SASH1: variants seen among roughly 807,000 people sequenced by gnomAD.
The protein encoded by SASH1 is SAM and SH3 domain containing 1, also known as SAM and SH3 domain-containing protein 1.
A neutral mutation model predicts 125.2 loss-of-function variants in SASH1; 44 were observed. That is an observed-to-expected ratio of 0.35 (90% confidence interval 0.28 to 0.45). The LOEUF is 0.45. Ranked by LOEUF, SASH1 falls within the 20% of genes least tolerant of loss-of-function variation. The probability of loss-of-function intolerance (pLI) is 1.00; values close to 1 mark genes in which losing one functional copy is unlikely to be tolerated. For synonymous variants in SASH1, 639 were observed against 649.1 expected (o/e 0.98, Z 0.24); for missense variants, 1,426 against 1,614.5 (o/e 0.88, Z 2.00).
At chr6:148,259,369 C>CT in the SASH1 span, among the ~76,000 whole-genome samples, 1 of 152,214 alleles carries the variant, frequency 6.6e-6, no homozygotes, top group Admixed American at 6.5e-5. Flanking sequence ...TACTGAACTG[C>CT]ACGGCTGAAG....
At chr6:148,491,195 T>G (rs780832832) in intron 8 of SASH1, among the ~76,000 whole-genome samples, 39 of 152,264 alleles carry the variant, frequency 2.6e-4, no homozygotes, top group Non-Finnish European at 1.5e-4. Context: ...CAAGAAAGAC[T>G]GTATTCTTTG....
intron 4 of SASH1, among the ~76,000 whole-genome samples, 166 bp from the exon 5 acceptor site, chr6:148,468,379 C>T (rs1777944749): frequency 2.0e-5 from 3 of 152,164 alleles, no homozygotes; most frequent in African/African-American, 7.2e-5. Context: ...GAGTCTATTT[C>T]TAGGAAGTCA....
intron 1 of SASH1, among the ~76,000 whole-genome samples, chr6:148,321,252 G>A (rs150120449): frequency 0.029 from 4,386 of 152,144 alleles, 90 homozygotes; most frequent in Non-Finnish European, 0.045. Context: ...TGAGCCTGGC[G>A]TGGTGGCGCA....
At chr6:148,272,618 T>C (rs1290701401) in intron 1 of SASH1, among the ~76,000 whole-genome samples, 3 of 152,276 alleles carry the variant, frequency 2.0e-5, no homozygotes, top group East Asian at 1.9e-4. Context: ...ATATAAGATA[T>C]ATTTATATAA....
chr6:148,376,908 C>T lies in SASH1; in HGVS notation c.157-13226C>T, dbSNP rs1249547827. 2.0e-5 allele frequency among the ~76,000 whole-genome samples: 3 copies of T among 150,814 alleles called. No homozygotes were observed. The East Asian group carries it at 5.9e-4, about 29-fold the overall frequency. ...AAACTCGGCCGGGCGCGGTGGCTCA[C>T]GCCTGTAATCCCAGCACTTTGGGAG... is the stretch of plus-strand genomic sequence containing the variant. On this transcript the variant is annotated intron_variant, in intron 1 of 19. Transcript: ENST00000367467.
chr6:148,472,733 T>C (rs1778175271), intron 6 of SASH1, among the ~76,000 whole-genome samples: 1 of 152,108 alleles, frequency 6.6e-6, no homozygotes, highest in Admixed American at 6.5e-5. Context: ...AAATGGAAAT[T>C]AGATGGAAAT....
At position 148,544,300 on chromosome 6, in the gene SASH1, G is replaced by A. The variant is rs1187166553; in HGVS notation, c.2830G>A (p.Ala944Thr). Reference sequence around the variant, plus strand: ...GCCTCCTGGAGCTAAACACGGTTTAGCAAGGACGCCTCTGGAGGGCCACAG... The same window carrying A: ...GCCTCCTGGAGCTAAACACGGTTTAACAAGGACGCCTCTGGAGGGCCACAG... ...AQPPGAKHGL[A>T]RTPLEGHRKG... The change falls in exon 18 of 20, where the codon GCA (alanine) becomes ACA (threonine). Residue 944 changes from alanine (A) to threonine (T), a missense_variant. Around this residue, in one of 3 missense-constraint regions of SASH1, gnomAD observed 634 missense variants for 694.4 expected, o/e 0.91. Coordinates refer to ENST00000367467, the MANE Select transcript of SASH1 (RefSeq NM_015278.5). The surrounding 1 kb of genome is among the most constrained non-coding windows in gnomAD (Gnocchi z 6.4). 1 of 1,614,136 alleles carries A rather than the reference G, an allele frequency of 6.2e-7. No homozygotes were observed. Among genetic ancestry groups the A allele is most frequent in the East Asian group, 2.2e-5 (1 of 44,868 alleles).
intron 1 of SASH1, among the ~76,000 whole-genome samples, chr6:148,345,938 A>C (rs1433492537): frequency 6.6e-6 from 1 of 152,184 alleles, no homozygotes; most frequent in Non-Finnish European, 1.5e-5. Flanking sequence ...TTTAGGTAAA[A>C]TGTGACTTAC....
At chr6:148,358,767 C>T (rs1354345325) in intron 1 of SASH1, among the ~76,000 whole-genome samples, 6 of 133,968 alleles carry the variant, frequency 4.5e-5, no homozygotes, top group African/African-American at 1.6e-4. Context: ...ACGGAGTCTC[C>T]CTTCATCACC....
At chr6:148,323,385 A>C (rs1037500828) in intron 1 of SASH1, among the ~76,000 whole-genome samples, 1 of 152,200 alleles carries the variant, frequency 6.6e-6, no homozygotes, top group Non-Finnish European at 1.5e-5. Flanking sequence ...AGTTCTAGCT[A>C]GGGCCTGGAC....
chr6:148,544,465 G>A lies in SASH1; in HGVS notation c.2995G>A (p.Gly999Arg), dbSNP rs201379927. The change falls in exon 18 of 20, where the codon GGA (glycine) becomes AGA (arginine). Residue 999 changes from glycine (G) to arginine (R), a missense_variant. Around this residue, in one of 3 missense-constraint regions of SASH1, gnomAD observed 634 missense variants for 694.4 expected, o/e 0.91. Coordinates refer to ENST00000367467, the MANE Select transcript of SASH1 (RefSeq NM_015278.5). This position sits in a 1 kb window ranked among gnomAD's most constrained non-coding sequence, Gnocchi z 6.4. ...AAAGAGCAGAGAACGCCTTGCTAACGGACTCCACCCTGTTCCCATGGGCCC... is the reference window on the plus strand; with the variant it reads ...AAAGAGCAGAGAACGCCTTGCTAACAGACTCCACCCTGTTCCCATGGGCCC... ...AKKSRERLAN[G>R]LHPVPMGPSG... 1.4e-4 allele frequency: 225 copies of A among 1,614,012 alleles called. No individual in the cohort carries two copies. The highest frequency in any genetic ancestry group is 1.8e-4 in the Non-Finnish European group (215 of 1,180,036).
At chr6:148,341,678 A>G (rs1748791380), upstream of SASH1, among the ~76,000 whole-genome samples, 1 of 152,100 alleles carries the variant, frequency 6.6e-6, no homozygotes, top group Non-Finnish European at 1.5e-5. Flanking sequence ...AAAACAAAAC[A>G]AAACAAACAA....
At chr6:148,289,031 G>C (rs980228408) in intron 1 of SASH1, among the ~76,000 whole-genome samples, 1 of 150,536 alleles carries the variant, frequency 6.6e-6, no homozygotes. Context: ...TTTCACTCTT[G>C]TTGCCCAGGC....
intron 1 of SASH1, among the ~76,000 whole-genome samples, chr6:148,325,261 T>TTTGTTGTTGTTGTTGTTGTTG (rs1554235037): frequency 2.9e-4 from 43 of 149,992 alleles, no homozygotes; most frequent in East Asian, 1.4e-3. Flanking sequence ...AAAAGCCTCT[T>TTTGTTGTTGTTGTTGTTGTTG]TTGTTGTTGT....
chr6:148,227,990 C>T, the SASH1 span, among the ~76,000 whole-genome samples: 2 of 152,168 alleles, frequency 1.3e-5, no homozygotes, highest in Non-Finnish European at 2.9e-5. Flanking sequence ...TGGGCCAAGA[C>T]TGGCAGACAC....
intron 8 of SASH1, among the ~76,000 whole-genome samples, chr6:148,492,843 A>G (rs866347853): frequency 4.4e-4 from 58 of 130,498 alleles, no homozygotes; most frequent in South Asian, 9.9e-4. Context: ...TAAATAAATA[A>G]ATAAATAAAT....
At chr6:148,436,125 C>T (rs899746919) in intron 2 of SASH1, among the ~76,000 whole-genome samples, 6 of 152,104 alleles carry the variant, frequency 3.9e-5, no homozygotes, top group Admixed American at 1.3e-4. Context: ...GTTGCTCTCA[C>T]GGTGTGGCTT....
intron 1 of SASH1, among the ~76,000 whole-genome samples, chr6:148,313,262 C>A (rs1780383947): frequency 6.6e-6 from 1 of 152,174 alleles, no homozygotes; most frequent in Non-Finnish European, 1.5e-5. Context: ...TATACCCATT[C>A]TGGTGTCTTA....
rs573870555 is a variant in SASH1, at chr6:148,494,741, A to G, written c.729+7026A>G. ...ACTCTTCATAGCCTTCCATTCAACC[A>G]TATGTACATTTTTGTCACTAATTTG... On this transcript the variant is annotated intron_variant, in intron 8 of 19. Transcript: ENST00000367467. 1.5e-4 allele frequency among the ~76,000 whole-genome samples: 23 copies of G among 152,274 alleles called. 1 individual carries two copies. In the South Asian group the frequency reaches 4.8e-3, roughly 32 times the overall value.
Sources: allele counts gnomAD v4.1 joint callset (sites outside exome capture counted in the v4.1 genomes callset), GRCh38; gene constraint gnomAD v4.1.1; regional missense constraint gnomAD v4.1.1; non-coding constraint Gnocchi (gnomAD v3.1); transcripts MANE v1.5; gene names NCBI Gene and HGNC (gene_info 2026-07-23, HGNC 2026-07-21).